The following TTPAL variants were observed in gnomAD, a reference collection of about 807,000 sequenced individuals.
TTPAL encodes alpha tocopherol transfer protein like.
A neutral mutation model predicts 28.7 loss-of-function variants in TTPAL; 21 were observed. The ratio of observed to expected loss-of-function variants is 0.73; its 90% CI spans 0.52 to 1.06. The LOEUF is 1.06. TTPAL is among the 50% of genes least tolerant of loss of function. The pLI is 0.00. For synonymous variants in TTPAL, 169 were observed against 171.9 expected, an observed-to-expected ratio of 0.98 and a Z score of 0.13; for missense variants, 345 against 425.5, an observed-to-expected ratio of 0.81 and a Z score of 1.67.
chr20:44,491,811 T>TAAACA lies in TTPAL; in HGVS notation c.*2284_*2288dup, dbSNP rs934740536. The TAAACA allele has an allele frequency of 1.3e-5, 2 of 152,452 alleles. No homozygotes were observed. The highest frequency in any genetic ancestry group is 2.4e-5 in the African/African-American group (1 of 41,530). 9.4% of individuals were successfully genotyped at this position (152,452 alleles called of 1,614,324 possible). On this transcript the variant is annotated 3_prime_UTR_variant, in exon 5 of 5. Transcript: ENST00000262605. Reference sequence around the variant, plus strand: ...AGGCTTCCCCAAGAGGGAAGACAGATAAACAAAACAAAACAAAAACTGGGT... The same window carrying TAAACA: ...AGGCTTCCCCAAGAGGGAAGACAGATAAACAAAACAAAACAAAACAAAAACTGGGT...
In TTPAL at chr20:44,493,606, T is replaced by TACTATAC. The variant is rs1286475298; in HGVS notation, c.*4069_*4075dup. ...TTAGCTAAACCAATTATATACTATATACTATACACTGTATCTCCTGTGGCC... is the reference window on the plus strand; with the variant it reads ...TTAGCTAAACCAATTATATACTATATACTATACACTATACACTGTATCTCCTGTGGCC... On this transcript the variant is annotated 3_prime_UTR_variant, in exon 5 of 5. Coordinates refer to ENST00000262605, the MANE Select transcript of TTPAL (RefSeq NM_001039199.3). The TACTATAC allele has an allele frequency of 6.6e-6, 1 of 152,376 alleles. No individual in the cohort carries two copies. Among genetic ancestry groups the TACTATAC allele is most frequent in the East Asian group, 1.9e-4 (1 of 5,342 alleles). 9.4% of individuals were successfully genotyped at this position (152,376 alleles called of 1,614,324 possible).
In TTPAL at chr20:44,491,473, A is replaced by G. The variant is rs758349752; in HGVS notation, c.*1932A>G. 1 of 152,352 alleles carries G rather than the reference A, an allele frequency of 6.6e-6. No homozygotes were observed. Among genetic ancestry groups the G allele is most frequent in the Non-Finnish European group, 1.5e-5 (1 of 68,046 alleles). The allele number at this position is 152,352 out of a possible 1,614,324, so 9.4% of individuals were successfully genotyped here. A position where few individuals can be genotyped will look rare whatever the true frequency, so the allele number is the denominator to read the frequency against. On this transcript the variant is annotated 3_prime_UTR_variant, in exon 5 of 5. Coordinates refer to ENST00000262605, the MANE Select transcript of TTPAL (RefSeq NM_001039199.3). ...ACAATACTCTGAAATTTGAAGGCCA[A>G]TCTGTTGTTACTAAGCTGTTTATCT...
chr20:44,491,287 T>C lies in TTPAL; in HGVS notation c.*1746T>C, dbSNP rs952998047. ...GAAGATTTTAGCCTTAGCCCAAACA[T>C]CAAATTAGACGGTTCACATGATGGT... On this transcript the variant is annotated 3_prime_UTR_variant, in exon 5 of 5. Coordinates refer to ENST00000262605, the MANE Select transcript of TTPAL (RefSeq NM_001039199.3). 1 of 151,886 alleles carries C rather than the reference T, an allele frequency of 6.6e-6. No homozygotes were observed. Among genetic ancestry groups the C allele is most frequent in the African/African-American group, 2.4e-5 (1 of 41,308 alleles). The allele number at this position is 151,886 out of a possible 1,614,324, so 9.4% of individuals were successfully genotyped here.
rs1165174510 is a variant in TTPAL at position 44,480,637 on chromosome 20, G to C, written c.445+193G>C. ...GGGAGGATTTAGTCGAAGGAGACAG[G>C]AGTCCCTCCCAGAACCAGAGAGCTG... On this transcript the variant is annotated intron_variant, in intron 2 of 4. Transcript: ENST00000262605. The surrounding 1 kb of genome is among the most constrained non-coding windows in gnomAD (Gnocchi z 4.1). Among the ~76,000 whole-genome samples the C allele has an allele frequency of 6.6e-6, 1 of 152,152 alleles. No homozygotes were observed. The highest frequency in any genetic ancestry group is 6.5e-5 in the Admixed American group (1 of 15,280).
chr20:44,493,337 CAAT>C lies in TTPAL; in HGVS notation c.*3799_*3801del, dbSNP rs2064225303. On this transcript the variant is annotated 3_prime_UTR_variant, in exon 5 of 5. Transcript: ENST00000262605. ...AAACACCATTTTTCCCGAAATAAGACAATAAGAGGCTTTTCTCTGAATTCCTTT... is the reference window on the plus strand; with the variant it reads ...AAACACCATTTTTCCCGAAATAAGACAAGAGGCTTTTCTCTGAATTCCTTT... The C allele has an allele frequency of 6.6e-6, 1 of 152,256 alleles. No homozygotes were observed. Among genetic ancestry groups the C allele is most frequent in the Admixed American group, 6.5e-5 (1 of 15,278 alleles). 9.4% of individuals were successfully genotyped at this position (152,256 alleles called of 1,614,324 possible).
rs2122949044 is a variant in TTPAL at position 44,489,755 on chromosome 20, T to A, written c.*214T>A. 5.4e-6 allele frequency: 3 copies of A among 554,160 alleles called. No individual in the cohort carries two copies. In the East Asian group the frequency reaches 8.9e-5, roughly 16 times the overall value. 34.3% of individuals were successfully genotyped at this position (554,160 alleles called of 1,614,324 possible). On this transcript the variant is annotated 3_prime_UTR_variant, in exon 5 of 5. Coordinates refer to ENST00000262605, the MANE Select transcript of TTPAL (RefSeq NM_001039199.3). ...AGACATGGAAAATGTCCCCACTGATTCTTAAACATTTGGAATCCCAGTCTG... is the reference window on the plus strand; with the variant it reads ...AGACATGGAAAATGTCCCCACTGATACTTAAACATTTGGAATCCCAGTCTG...
intron 1 of TTPAL, among the ~76,000 whole-genome samples, chr20:44,478,373 G>A (rs1411159377): frequency 1.3e-5 from 2 of 152,230 alleles, no homozygotes; most frequent in Non-Finnish European, 2.9e-5. Context: ...GCCTGTTAGA[G>A]GAGTCCTATG....
intron 3 of TTPAL, among the ~76,000 whole-genome samples, chr20:44,485,555 T>G (rs2064144113): frequency 6.6e-6 from 1 of 152,144 alleles, no homozygotes; most frequent in Non-Finnish European, 1.5e-5. Flanking sequence ...TCTCACTGAT[T>G]CCACAAATGT....
intron 3 of TTPAL, among the ~76,000 whole-genome samples, chr20:44,485,342 A>G (rs2064142414): frequency 6.6e-6 from 1 of 152,176 alleles, no homozygotes; most frequent in African/African-American, 2.4e-5. Context: ...TACAGTCATC[A>G]GGGCCTATTC....
chr20:44,480,081 C>T lies in TTPAL; in HGVS notation c.82C>T (p.Pro28Ser), dbSNP rs903945162. Residue 28 changes from proline (P) to serine (S), a missense_variant, in exon 2 of 5, where the codon CCT (proline) becomes TCT (serine). Transcript: ENST00000262605. This position sits in a 1 kb window ranked among gnomAD's most constrained non-coding sequence, Gnocchi z 4.1. The part of the protein sequence containing the change: ...SENELPPPPE[P>S]PGYVCSLTED... Reference sequence around the variant, plus strand: ...AAATGAGCTGCCACCACCACCTGAGCCTCCGGGCTATGTGTGCTCACTGAC... The same window carrying T: ...AAATGAGCTGCCACCACCACCTGAGTCTCCGGGCTATGTGTGCTCACTGAC... 3 of 1,614,204 alleles carry T rather than the reference C, an allele frequency of 1.9e-6. No homozygotes were observed. The highest frequency in any genetic ancestry group is 2.5e-6 in the Non-Finnish European group (3 of 1,180,030).
chr20:44,478,862 T>C (rs953009542), intron 1 of TTPAL, among the ~76,000 whole-genome samples: 3 of 152,216 alleles, frequency 2.0e-5, no homozygotes, highest in Admixed American at 1.3e-4. Context: ...TGATCTCGGC[T>C]CACTGCAAGC....
At position 44,486,679 on chromosome 20, in the gene TTPAL, A is replaced by G; in HGVS notation, c.723A>G (p.Pro241=). The part of the protein sequence containing the change: ...IFKGIFAIIK[P]FLKEKIANRF... ...AAGGCATTTTTGCCATCATAAAACC[A>G]TTTCTAAAGGAGAAAATAGCAAACA... Residue 241 remains proline, a synonymous_variant, in exon 4 of 5, where the codon CCA becomes CCG. Coordinates refer to ENST00000262605, the MANE Select transcript of TTPAL (RefSeq NM_001039199.3). 6 of 1,610,244 alleles carry G rather than the reference A, an allele frequency of 3.7e-6. No individual in the cohort carries two copies. Among genetic ancestry groups the G allele is most frequent in the Non-Finnish European group, 5.1e-6 (6 of 1,176,832 alleles).
At chr20:44,476,092 C>T (rs540659031) in intron 1 of TTPAL, 101 bp downstream of exon 1, 13 of 152,278 alleles carry the variant, frequency 8.5e-5, no homozygotes, top group African/African-American at 3.1e-4. Context: ...GCGAGAGACC[C>T]CAGGAAATGG....
At chr20:44,487,015 T>C (rs375414930) in intron 4 of TTPAL, among the ~76,000 whole-genome samples, 17 of 152,064 alleles carry the variant, frequency 1.1e-4, no homozygotes, top group African/African-American at 4.1e-4. Context: ...GCACAGTGGC[T>C]CACGCCTGTA....
Position 44,489,595 on chromosome 20 carries a change from G to A in TTPAL, c.*54G>A, listed in dbSNP as rs2064186131. The A allele has an allele frequency of 3.3e-6, 5 of 1,536,648 alleles. No homozygotes were observed. Among genetic ancestry groups the A allele is most frequent in the Admixed American group, 2.0e-5 (1 of 51,214 alleles). Reference sequence around the variant, plus strand: ...TCTTTTCCTTCTTTTCTTTGGAGAGGCACAAGGAGAATTTAAGGGTCCATG... The same window carrying A: ...TCTTTTCCTTCTTTTCTTTGGAGAGACACAAGGAGAATTTAAGGGTCCATG... On this transcript the variant is annotated 3_prime_UTR_variant, in exon 5 of 5. Transcript: ENST00000262605.
At position 44,491,317 on chromosome 20, in the gene TTPAL, G is replaced by A. The variant is rs2064204109; in HGVS notation, c.*1776G>A. 1 of 152,050 alleles carries A rather than the reference G, an allele frequency of 6.6e-6. No individual in the cohort carries two copies. The highest frequency in any genetic ancestry group is 2.4e-5 in the African/African-American group (1 of 41,338). 9.4% of individuals were successfully genotyped at this position (152,050 alleles called of 1,614,324 possible). On this transcript the variant is annotated 3_prime_UTR_variant, in exon 5 of 5. Transcript: ENST00000262605. Reference sequence around the variant, plus strand: ...TTAGACGGTTCACATGATGGTTTTTGACCTATTTCCTTTCTAATGTATTCC... The same window carrying A: ...TTAGACGGTTCACATGATGGTTTTTAACCTATTTCCTTTCTAATGTATTCC...
Position 44,480,200 on chromosome 20 carries a change from G to A in TTPAL, c.201G>A (p.Lys67=), listed in dbSNP as rs145705075. Residue 67 remains lysine, a synonymous_variant, in exon 2 of 5, where the codon AAG becomes AAA. Transcript: ENST00000262605. This position sits in a 1 kb window ranked among gnomAD's most constrained non-coding sequence, Gnocchi z 4.1. The part of the protein sequence containing the change: ...DVQALRDMVR[K]EYPNLSTSLD... ...AGGCCCTTCGTGACATGGTGCGGAA[G>A]GAGTACCCCAACCTGAGCACATCCC... 1.3e-4 allele frequency: 203 copies of A among 1,614,124 alleles called. No homozygotes were observed. In the African/African-American group the frequency reaches 1.8e-3, roughly 15 times the overall value.
At chr20:44,476,088 G>C (rs1164637448) in intron 1 of TTPAL, 97 bp downstream of exon 1, 1 of 151,616 alleles carries the variant, frequency 6.6e-6, no homozygotes, top group Non-Finnish European at 1.5e-5. Context: ...AGGAGCGAGA[G>C]ACCCCAGGAA....
chr20:44,481,541 T>C (rs1222509657), intron 2 of TTPAL, among the ~76,000 whole-genome samples: 1 of 152,226 alleles, frequency 6.6e-6, no homozygotes, highest in Non-Finnish European at 1.5e-5. Flanking sequence ...CCTCAACATT[T>C]TCCATCAGAC....
Sources: allele counts gnomAD v4.1 joint callset (sites outside exome capture counted in the v4.1 genomes callset), GRCh38; gene constraint gnomAD v4.1.1; non-coding constraint Gnocchi (gnomAD v3.1); transcripts MANE v1.5; gene names NCBI Gene and HGNC (gene_info 2026-07-23, HGNC 2026-07-21).